SPATA1: variants seen among roughly 807,000 people sequenced by gnomAD.
The protein encoded by SPATA1 is spermatogenesis associated 1.
A neutral mutation model predicts 59.6 loss-of-function variants in SPATA1; 57 were observed. That is an observed-to-expected ratio of 0.96 (90% CI 0.77 to 1.19). The LOEUF is 1.19. SPATA1 is among the 50% of genes most tolerant of loss of function. SPATA1 has a pLI of 0.00. For missense variants in SPATA1, 448 were observed against 480.7 expected, an observed-to-expected ratio of 0.93 and a Z score of 0.64; for synonymous variants, 147 against 163.9, an observed-to-expected ratio of 0.90 and a Z score of 0.79.
chr1:84,527,123 A>G (rs1038374788), intron 6 of SPATA1, among the ~76,000 whole-genome samples: 3 of 152,174 alleles, frequency 2.0e-5, no homozygotes, highest in Non-Finnish European at 2.9e-5. Flanking sequence ...TAAATTTAGA[A>G]TACAAGAAAT....
chr1:84,536,117 C>T (rs1683667905), intron 8 of SPATA1, among the ~76,000 whole-genome samples: 1 of 152,186 alleles, frequency 6.6e-6, no homozygotes, highest in African/African-American at 2.4e-5. Flanking sequence ...TGCAAAAGAA[C>T]TGCAATATTT....
intron 8 of SPATA1, among the ~76,000 whole-genome samples, chr1:84,540,062 T>C (rs1345784390): frequency 6.6e-6 from 1 of 152,222 alleles, no homozygotes; most frequent in East Asian, 1.9e-4. Context: ...TTATTTGATA[T>C]ATTCCCATTC....
At chr1:84,534,200 T>C (rs1473665589) in intron 8 of SPATA1, among the ~76,000 whole-genome samples, 1 of 152,206 alleles carries the variant, frequency 6.6e-6, no homozygotes, top group East Asian at 1.9e-4. Context: ...TGTTACCCAA[T>C]TTGAATTGCA....
chr1:84,554,845 G>T, downstream of SPATA1: 1 of 622,670 alleles, frequency 1.6e-6, no homozygotes. Context: ...ACATTCGTGT[G>T]TATTTTTCAA....
chr1:84,549,873 T>A (rs1331627819), intron 11 of SPATA1: 1 of 56,724 alleles, frequency 1.8e-5, no homozygotes, highest in South Asian at 6.5e-4. Context: ...TAGTTGGTAC[T>A]TTTTTTTTTA....
At chr1:84,553,070 G>A (rs1262235672) in exon 13 of SPATA1, 4 of 1,526,932 alleles carry the variant, frequency 2.6e-6, no homozygotes, top group Non-Finnish European at 2.6e-6. Context: ...TACGAACATT[G>A]AAAACTGAAC....
At chr1:84,566,881 G>C (rs763288567), downstream of SPATA1, among the ~76,000 whole-genome samples, 3 of 152,008 alleles carry the variant, frequency 2.0e-5, no homozygotes, top group Non-Finnish European at 4.4e-5. Context: ...CTGATCTGCC[G>C]ATCTCAGCCT....
chr1:84,548,869 G>A, exon 11 of SPATA1: 1 of 1,578,388 alleles, frequency 6.3e-7, no homozygotes, highest in Non-Finnish European at 8.6e-7. Context: ...ACTTCGAGAA[G>A]ATTTGGAACT....
chr1:84,537,500 G>A (rs187742458), intron 8 of SPATA1, among the ~76,000 whole-genome samples: 18 of 152,162 alleles, frequency 1.2e-4, no homozygotes, highest in Admixed American at 3.9e-4. Context: ...ATTAAATTAC[G>A]AGACCTTAGC....
At chr1:84,537,718 T>C (rs558464501) in intron 8 of SPATA1, among the ~76,000 whole-genome samples, 1 of 152,336 alleles carries the variant, frequency 6.6e-6, no homozygotes, top group East Asian at 1.9e-4. Context: ...TGGCAATGGC[T>C]TTGATGTGAT....
At chr1:84,545,256 T>A (rs1306642239) in intron 9 of SPATA1, among the ~76,000 whole-genome samples, 1 of 148,672 alleles carries the variant, frequency 6.7e-6, no homozygotes, top group African/African-American at 2.5e-5. Context: ...ATATATATCA[T>A]ATATATATAA....
chr1:84,523,601 T>G (rs1683110463), intron 4 of SPATA1, among the ~76,000 whole-genome samples: 1 of 152,192 alleles, frequency 6.6e-6, no homozygotes, highest in Non-Finnish European at 1.5e-5. Flanking sequence ...CTGAACAAAT[T>G]AAAACATGAA....
intron 10 of SPATA1, 58 bp downstream of exon 10, chr1:84,545,817 G>C: frequency 2.0e-5 from 24 of 1,188,814 alleles, no homozygotes; most frequent in Non-Finnish European, 2.2e-6. Context: ...TTACAGAATT[G>C]ATCCTTTTAG....
intron 1 of SPATA1, among the ~76,000 whole-genome samples, chr1:84,514,427 T>C (rs2101919295): frequency 6.6e-6 from 1 of 152,320 alleles, no homozygotes; most frequent in African/African-American, 2.4e-5. Context: ...GATTTCAGAT[T>C]TTTTCAAATT....
At chr1:84,563,448 AT>A (rs1425574312) in intron 4 of SPATA1, 2 of 1,414,126 alleles carry the variant, frequency 1.4e-6, no homozygotes, top group Non-Finnish European at 1.9e-6. Context: ...CATGTTATAT[AT>A]TATCAATTAT....
At chr1:84,526,108 CTA>C (rs1441262196) in intron 6 of SPATA1, 35 bp downstream of exon 6, 1 of 1,536,846 alleles carries the variant, frequency 6.5e-7, no homozygotes. Context: ...AAGAAAGAGG[CTA>C]TTATAGTACA....
intron 10 of SPATA1, among the ~76,000 whole-genome samples, chr1:84,546,057 C>G (rs776680457): frequency 2.6e-4 from 40 of 152,160 alleles, no homozygotes; most frequent in Non-Finnish European, 5.3e-4. Context: ...AATCTGGCCA[C>G]TATTCTAGGG....
chr1:84,507,293 GGT>G (rs1682305622), intron 1 of SPATA1: 1 of 152,100 alleles, frequency 6.6e-6, no homozygotes, highest in Non-Finnish European at 1.5e-5. Flanking sequence ...TAATTGCACT[GGT>G]CAACAAAATC....
chr1:84,514,466 C>A (rs1235501885), intron 1 of SPATA1, among the ~76,000 whole-genome samples: 1 of 152,156 alleles, frequency 6.6e-6, no homozygotes, highest in East Asian at 1.9e-4. Flanking sequence ...ATCGGTTAAA[C>A]AATCCTAATC....
Sources: allele counts gnomAD v4.1 joint callset (sites outside exome capture counted in the v4.1 genomes callset), GRCh38; gene constraint gnomAD v4.1.1; transcripts MANE v1.5; gene names NCBI Gene and HGNC (gene_info 2026-07-23, HGNC 2026-07-21).